SPAG1: variants seen among roughly 807,000 people sequenced by gnomAD.
SPAG1 encodes the protein sperm associated antigen 1.
SPAG1 carries 69 observed loss-of-function variants against 100.5 expected under a neutral mutation model. The ratio of observed to expected loss-of-function variants is 0.69; its 90% CI spans 0.57 to 0.84. SPAG1 has a LOEUF of 0.84. Ranked by LOEUF, SPAG1 falls within the 40% of genes least tolerant of loss-of-function variation. The pLI, the probability that SPAG1 is intolerant of heterozygous loss-of-function variation, is 0.00. For synonymous variants in SPAG1, 336 were observed against 411.6 expected, an observed-to-expected ratio of 0.82 and a Z score of 2.22; for missense variants, 955 against 1,133.1, an observed-to-expected ratio of 0.84 and a Z score of 2.26.
At chr8:100,236,702 TCACTGAA>T (rs992771653) in intron 16 of SPAG1, among the ~76,000 whole-genome samples, 1 of 152,188 alleles carries the variant, frequency 6.6e-6, no homozygotes, top group African/African-American at 2.4e-5. Context: ...TAAGAAAAGA[TCACTGAA>T]CATTTTGCTT....
chr8:100,168,374 G>T (rs1452567140), intron 3 of SPAG1, among the ~76,000 whole-genome samples: 1 of 151,962 alleles, frequency 6.6e-6, no homozygotes. Context: ...AAAAAAAATT[G>T]CCTTGTGTTC....
intron 2 of SPAG1, among the ~76,000 whole-genome samples, chr8:100,164,413 T>C (rs1323633228): frequency 6.6e-6 from 1 of 152,172 alleles, no homozygotes. Flanking sequence ...AAAAAGTAAA[T>C]GATAAAATTT....
rs754071186 is a variant in SPAG1 at position 100,162,416 on chromosome 8, C to T, written c.136C>T (p.Leu46Phe). The T allele has an allele frequency of 6.3e-7, 1 of 1,575,120 alleles. No homozygotes were observed. The highest frequency in any genetic ancestry group is 8.6e-7 in the Non-Finnish European group (1 of 1,165,538). ...VKHLEKILCV[L>F]RSGEEGYYPE... The stretch of plus-strand genomic sequence containing the variant: ...ACATCTGGAAAAAATTCTTTGCGTG[C>T]TCAGGTAAGCATTTTAAAATCATTA... Residue 46 changes from leucine to phenylalanine, a missense_variant, in exon 2 of 19, where the codon CTC becomes TTC. By Grantham distance (22) the Leu-to-Phe change is conservative. Coordinates refer to ENST00000388798, the MANE Select transcript of SPAG1 (RefSeq NM_003114.5).
intron 3 of SPAG1, among the ~76,000 whole-genome samples, chr8:100,172,611 C>T (rs937244410): frequency 6.7e-6 from 1 of 149,150 alleles, no homozygotes; most frequent in Admixed American, 6.7e-5. Flanking sequence ...CAGAGCTAGA[C>T]TCTGCCTAAA....
intron 16 of SPAG1, among the ~76,000 whole-genome samples, chr8:100,237,436 T>C (rs1819056805): frequency 6.6e-6 from 1 of 152,208 alleles, no homozygotes; most frequent in Non-Finnish European, 1.5e-5. Flanking sequence ...CACCTGTAAC[T>C]GTAGAAAAAG....
At position 100,191,436 on chromosome 8, in the gene SPAG1, G is replaced by T; in HGVS notation, c.879G>T (p.Arg293=). The change falls in exon 9 of 19, where the codon CGG becomes CGT. Residue 293 remains arginine (R), a synonymous_variant. Transcript: ENST00000388798. ...ATTYKHQNKL[R]EATEDLSKVL... ...CATATAAACATCAAAACAAGCTCCG[G>T]GAAGCTACAGAAGATTTGAGTAAAG... 1 of 1,613,948 alleles carries T rather than the reference G, an allele frequency of 6.2e-7. No homozygotes were observed. Among genetic ancestry groups the T allele is most frequent in the Non-Finnish European group, 8.5e-7 (1 of 1,179,954 alleles).
intron 3 of SPAG1, among the ~76,000 whole-genome samples, chr8:100,170,804 T>C (rs994228374): frequency 8.5e-4 from 5 of 5,870 alleles, no homozygotes; most frequent in Admixed American, 8.4e-3. Flanking sequence ...GTCTGCCATT[T>C]ATTTATTTAT....
intron 12 of SPAG1, 74 bp from the exon 13 acceptor site, chr8:100,220,202 CAGT>C (rs1563805918): frequency 2.8e-6 from 3 of 1,070,768 alleles, no homozygotes; most frequent in Non-Finnish European, 4.0e-6. Flanking sequence ...TTCAGTACTG[CAGT>C]ATCTATTCAG....
intron 14 of SPAG1, among the ~76,000 whole-genome samples, chr8:100,227,708 TG>T (rs775858995): frequency 1.2e-4 from 18 of 152,278 alleles, no homozygotes; most frequent in Non-Finnish European, 1.8e-4. Context: ...ATAGTGAGAA[TG>T]GATACCAAAG....
intron 12 of SPAG1, among the ~76,000 whole-genome samples, chr8:100,214,988 CAT>C (rs71274967): frequency 4.4e-5 from 3 of 68,828 alleles, no homozygotes; most frequent in Non-Finnish European, 5.7e-5. Context: ...AAACTTTACT[CAT>C]ATATATATAT....
chr8:100,159,577 C>T (rs1815216290), intron 1 of SPAG1, among the ~76,000 whole-genome samples: 1 of 152,152 alleles, frequency 6.6e-6, no homozygotes, highest in African/African-American at 2.4e-5. Context: ...TTTTCTTTAA[C>T]CTTTGACAGT....
At chr8:100,236,210 G>C (rs139418412) in intron 16 of SPAG1, among the ~76,000 whole-genome samples, 338 of 152,274 alleles carry the variant, frequency 2.2e-3, no homozygotes, top group African/African-American at 7.4e-3. Flanking sequence ...TCCCAAATTT[G>C]AGTAATCCTA....
intron 10 of SPAG1, among the ~76,000 whole-genome samples, chr8:100,200,161 T>C (rs573958336): frequency 6.6e-6 from 1 of 152,340 alleles, no homozygotes; most frequent in East Asian, 1.9e-4. Context: ...GTGTTCTCAT[T>C]GTTCAATTCC....
rs1018519551 is a variant in SPAG1, at chr8:100,240,750, G to A, written c.2628G>A (p.Leu876=). The change falls in exon 18 of 19, where the codon CTG becomes CTA. Residue 876 remains leucine (L), a synonymous_variant. Coordinates refer to ENST00000388798, the MANE Select transcript of SPAG1 (RefSeq NM_003114.5). Reference sequence around the variant, plus strand: ...TGGTGTATCAGCATCTTTTATACCTGAGTAAAGCAGAAAGGTTTAAGGTAA... The same window carrying A: ...TGGTGTATCAGCATCTTTTATACCTAAGTAAAGCAGAAAGGTTTAAGGTAA... ...PSLVYQHLLY[L]SKAERFKMML... The A allele has an allele frequency of 1.2e-6, 2 of 1,600,772 alleles. No homozygotes were observed. Among genetic ancestry groups the A allele is most frequent in the Non-Finnish European group, 1.7e-6 (2 of 1,175,306 alleles).
rs1053833651 is a variant in SPAG1, at chr8:100,241,179, A to G, written c.*157A>G. 1.9e-6 allele frequency: 1 copy of G among 519,868 alleles called. No individual in the cohort carries two copies. The highest frequency in any genetic ancestry group is 3.8e-5 in the Admixed American group (1 of 26,034). 32.2% of individuals were successfully genotyped at this position (519,868 alleles called of 1,614,324 possible). On this transcript the variant is annotated 3_prime_UTR_variant, in exon 19 of 19. Transcript: ENST00000388798. This position sits in a 1 kb window ranked among gnomAD's most constrained non-coding sequence, Gnocchi z 5.1. The stretch of plus-strand genomic sequence containing the variant: ...TTATTTTCCTACATAGAACATGTAT[A>G]TTCTACAATCTGCTTTTTATTAGTT...
In SPAG1 at chr8:100,183,447, CATGTCTT is replaced by C. The variant is rs1180919196; in HGVS notation, c.488+12_488+18del. 3 of 1,383,630 alleles carry C rather than the reference CATGTCTT, an allele frequency of 2.2e-6. No homozygotes were observed. Among genetic ancestry groups the C allele is most frequent in the Non-Finnish European group, 3.0e-6 (3 of 991,480 alleles). The allele number at this position is 1,383,630 out of a possible 1,614,324, so 85.7% of individuals were successfully genotyped here. A position where few individuals can be genotyped will look rare whatever the true frequency, so the allele number is the denominator to read the frequency against. On this transcript the variant is annotated intron_variant, in intron 5 of 18. Transcript: ENST00000388798. ...CGCGGAATGGGATAAGTATGTTTTA[CATGTCTT>C]TATATAAAATGTATCACTAAAAAAG...
chr8:100,195,175 A>G (rs1816981263), intron 10 of SPAG1, among the ~76,000 whole-genome samples: 3 of 151,434 alleles, frequency 2.0e-5, no homozygotes, highest in Admixed American at 2.0e-4. Flanking sequence ...AAAAAAAAAA[A>G]AAGAAAAAGA....
chr8:100,170,517 AAAC>A (rs1277947248), intron 3 of SPAG1, among the ~76,000 whole-genome samples: 3 of 152,132 alleles, frequency 2.0e-5, no homozygotes, highest in Admixed American at 6.6e-5. Flanking sequence ...TATACTCATT[AAAC>A]AACAACTCCC....
chr8:100,233,847 G>A (rs1000128311), intron 16 of SPAG1, among the ~76,000 whole-genome samples: 4 of 152,216 alleles, frequency 2.6e-5, no homozygotes, highest in East Asian at 1.9e-4. Flanking sequence ...CTGAATTACC[G>A]AAACTAGCAG....
Sources: gnomAD v4.1 joint callset for allele counts (sites outside exome capture counted in the v4.1 genomes callset) on GRCh38, gnomAD v4.1.1 for gene constraint, Gnocchi (gnomAD v3.1) non-coding constraint, MANE v1.5 for transcripts, NCBI Gene and HGNC (gene_info 2026-07-23, HGNC 2026-07-21) for gene names.